The following AMD1 variants were observed in gnomAD, a reference collection of about 807,000 sequenced individuals.
AMD1 encodes adenosylmethionine decarboxylase 1.
A neutral mutation model predicts 40.2 loss-of-function variants in AMD1; 11 were observed. That is an observed-to-expected ratio of 0.27 (90% CI 0.17 to 0.45). The LOEUF is 0.45. Ranked by LOEUF, AMD1 falls within the 20% of genes least tolerant of loss-of-function variation. The pLI is 1.00. For missense variants in AMD1, 257 were observed against 410.2 expected (o/e 0.63, Z 3.23); for synonymous variants, 121 against 130.8 (o/e 0.93, Z 0.51).
At chr6:110,888,773 T>C (rs1785848714) in intron 2 of AMD1, 84 bp from the exon 3 acceptor site, 2 of 1,404,618 alleles carry the variant, frequency 1.4e-6, no homozygotes, top group East Asian at 4.7e-5. Context: ...CTAGCCAAAA[T>C]TGTAAATGAT....
chr6:110,879,824 C>T (rs1343692888), intron 1 of AMD1, among the ~76,000 whole-genome samples: 1 of 152,184 alleles, frequency 6.6e-6, no homozygotes, highest in African/African-American at 2.4e-5. Context: ...GACCTGGAAG[C>T]TTTTCAAATA....
chr6:110,849,774 C>T, the AMD1 span, among the ~76,000 whole-genome samples: 1 of 152,092 alleles, frequency 6.6e-6, no homozygotes, highest in African/African-American at 2.4e-5. Flanking sequence ...AATCCTAGCA[C>T]TTTGGGAGGC....
chr6:110,859,952 C>T, the AMD1 span, among the ~76,000 whole-genome samples: 1 of 152,154 alleles, frequency 6.6e-6, no homozygotes, highest in African/African-American at 2.4e-5. Flanking sequence ...CTTCAGCCTC[C>T]CAAGTAGCTG....
the AMD1 span, among the ~76,000 whole-genome samples, chr6:110,829,656 G>A: frequency 6.6e-6 from 1 of 151,588 alleles, no homozygotes; most frequent in African/African-American, 2.4e-5. Context: ...GCGACAGAGG[G>A]AGACTCTGTC....
the AMD1 span, among the ~76,000 whole-genome samples, chr6:110,848,034 C>T: frequency 1.3e-5 from 2 of 151,846 alleles, no homozygotes; most frequent in Admixed American, 1.3e-4. Flanking sequence ...CTTCTAGCCA[C>T]ACCTAAATTA....
chr6:110,890,241 T>G lies in AMD1; in HGVS notation c.325-13T>G. On this transcript the variant is annotated splice_polypyrimidine_tract_variant and intron_variant, in intron 3 of 8. Coordinates refer to ENST00000368885, the MANE Select transcript of AMD1 (RefSeq NM_001634.6). ...GTCATCTTTTTTTTTCTTTCTTTTC[T>G]TTTTTAATAAAGAGCTTCTTTTATT... 2 of 1,530,656 alleles carry G rather than the reference T, an allele frequency of 1.3e-6. No homozygotes were observed. Among genetic ancestry groups the G allele is most frequent in the Non-Finnish European group, 8.8e-7 (1 of 1,135,914 alleles). 94.8% of individuals were successfully genotyped at this position (1,530,656 alleles called of 1,614,324 possible).
chr6:110,873,668 A>T (rs563582585), upstream of AMD1, among the ~76,000 whole-genome samples: 1 of 152,294 alleles, frequency 6.6e-6, no homozygotes, highest in South Asian at 2.1e-4. Context: ...AAAAGTAATA[A>T]CTTTGTTACC....
chr6:110,827,309 T>TTTTG, the AMD1 span, among the ~76,000 whole-genome samples: 1 of 151,954 alleles, frequency 6.6e-6, no homozygotes, highest in Non-Finnish European at 1.5e-5. Flanking sequence ...TTTCAGTTTT[T>TTTTG]TTTGTTTGTT....
At chr6:110,877,018 CTT>C (rs992351835) in intron 1 of AMD1, among the ~76,000 whole-genome samples, 135 of 152,308 alleles carry the variant, frequency 8.9e-4, no homozygotes, top group African/African-American at 3.0e-3. Context: ...GAGGAAGAGG[CTT>C]TTTACAAAGC....
At chr6:110,889,520 T>G (rs1785890992) in intron 3 of AMD1, 2 of 152,424 alleles carry the variant, frequency 1.3e-5, no homozygotes. Flanking sequence ...CTCAGCTCAC[T>G]GCAATCTGCA....
At chr6:110,819,283 G>A in the AMD1 span, among the ~76,000 whole-genome samples, 4 of 152,144 alleles carry the variant, frequency 2.6e-5, no homozygotes, top group African/African-American at 9.7e-5. Flanking sequence ...CTTGAACCTG[G>A]GAGGCAGAGG....
the AMD1 span, among the ~76,000 whole-genome samples, chr6:110,853,800 C>A: frequency 6.6e-6 from 1 of 152,176 alleles, no homozygotes. Flanking sequence ...GCTAGGAATT[C>A]TCTATTTTGC....
At chr6:110,827,191 G>A in the AMD1 span, among the ~76,000 whole-genome samples, 1 of 152,012 alleles carries the variant, frequency 6.6e-6, no homozygotes, top group Admixed American at 6.6e-5. Flanking sequence ...CTTTGACTCT[G>A]TTACTGAATG....
chr6:110,881,824 CA>C (rs11436863), intron 1 of AMD1, among the ~76,000 whole-genome samples: 8,256 of 138,708 alleles, frequency 0.06, 265 homozygotes, highest in Admixed American at 0.11. Context: ...GACTGCATCT[CA>C]AAAAAAAAAA....
At chr6:110,814,949 G>T in the AMD1 span, 1 of 1,590,476 alleles carries the variant, frequency 6.3e-7, no homozygotes. Flanking sequence ...CACCCATCCC[G>T]CCAGGTCGCG....
chr6:110,828,433 C>CA, the AMD1 span, among the ~76,000 whole-genome samples: 2,307 of 128,002 alleles, frequency 0.018, 60 homozygotes, highest in African/African-American at 0.061. Flanking sequence ...AACTCTGTCT[C>CA]AAAAAAAAAA....
the AMD1 span, among the ~76,000 whole-genome samples, chr6:110,816,876 C>T: frequency 6.6e-6 from 1 of 152,170 alleles, no homozygotes; most frequent in South Asian, 2.1e-4. Context: ...GTCCGTGCCA[C>T]CATGCCGGGC....
At chr6:110,892,248 A>G (rs1323724742) in intron 5 of AMD1, 45 bp downstream of exon 5, 2 of 1,613,576 alleles carry the variant, frequency 1.2e-6, no homozygotes, top group Admixed American at 1.7e-5. Flanking sequence ...CCTATGTAAG[A>G]TTTAAACTGC....
At chr6:110,834,121 C>T in the AMD1 span, among the ~76,000 whole-genome samples, 4 of 152,054 alleles carry the variant, frequency 2.6e-5, no homozygotes, top group African/African-American at 4.8e-5. Flanking sequence ...TTTGTAGAGA[C>T]GAAGTCTCAC....
Sources: gnomAD v4.1 joint callset for allele counts (sites outside exome capture counted in the v4.1 genomes callset) on GRCh38, gnomAD v4.1.1 for gene constraint, MANE v1.5 for transcripts, NCBI Gene and HGNC (gene_info 2026-07-23, HGNC 2026-07-21) for gene names.